Variants in BAZ1A observed in about 807,000 individuals in gnomAD.
BAZ1A encodes bromodomain adjacent to zinc finger domain 1A.
BAZ1A carries 50 observed loss-of-function variants against 185.2 expected under a neutral mutation model. The ratio of observed to expected loss-of-function variants is 0.27; its 90% CI spans 0.22 to 0.34. The LOEUF (loss-of-function observed/expected upper bound fraction) is 0.34. BAZ1A is among the 10% of genes least tolerant of loss of function. The probability of loss-of-function intolerance (pLI) is 1.00; values close to 1 mark genes in which losing one functional copy is unlikely to be tolerated. For synonymous variants in BAZ1A, 571 were observed against 615.6 expected (o/e 0.93, Z 1.07); for missense variants, 1,356 against 1,839.9 (o/e 0.74, Z 4.81).
intron 3 of BAZ1A, among the ~76,000 whole-genome samples, chr14:34,846,898 A>T (rs1021313655): frequency 6.6e-6 from 1 of 152,224 alleles, no homozygotes; most frequent in Non-Finnish European, 1.5e-5. Flanking sequence ...TTAAAAAAAA[A>T]TTAAAAATAA....
At chr14:34,798,779 G>A (rs1040794180) in intron 9 of BAZ1A, among the ~76,000 whole-genome samples, 4 of 152,190 alleles carry the variant, frequency 2.6e-5, no homozygotes, top group Admixed American at 2.0e-4. Context: ...CTTTTACACC[G>A]TTGGCTGGAG....
At chr14:34,804,602 A>G (rs188388669) in intron 6 of BAZ1A, among the ~76,000 whole-genome samples, 3 of 152,362 alleles carry the variant, frequency 2.0e-5, no homozygotes, top group Admixed American at 2.0e-4. Context: ...CCCATTAAAG[A>G]AGATTTCATT....
intron 3 of BAZ1A, among the ~76,000 whole-genome samples, chr14:34,840,392 T>C (rs923524597): frequency 6.6e-6 from 1 of 152,172 alleles, no homozygotes; most frequent in Admixed American, 6.5e-5. Flanking sequence ...GTGATTTATG[T>C]ACATCAAAAT....
In BAZ1A at chr14:34,753,190, A is replaced by G. The variant is rs961466937; in HGVS notation, c.*318T>C. ...CCACCACTTTAAAAAAAAATCATCA[A>G]TAACAAAATAAATCGTGGGTGAAAA... On this transcript the variant is annotated 3_prime_UTR_variant, in exon 27 of 27. Coordinates refer to ENST00000360310, the MANE Select transcript of BAZ1A (RefSeq NM_013448.3). 3 of 245,424 alleles carry G rather than the reference A, an allele frequency of 1.2e-5. No homozygotes were observed. The highest frequency in any genetic ancestry group is 2.4e-5 in the Non-Finnish European group (3 of 126,556). 15.2% of individuals were successfully genotyped at this position (245,424 alleles called of 1,614,324 possible).
chr14:34,874,108 G>A lies in BAZ1A; in HGVS notation c.113+384C>T, dbSNP rs1193368609. ...CGCTGACCCTAGCGGGGATCCCCTC[G>A]GCCGCCGGGAGGGGATCCCGGAACT... On this transcript the variant is annotated intron_variant, in intron 2 of 26. Coordinates refer to ENST00000360310, the MANE Select transcript of BAZ1A (RefSeq NM_013448.3). The surrounding 1 kb of genome is among the most constrained non-coding windows in gnomAD (Gnocchi z 4.7). Among the ~76,000 whole-genome samples the A allele has an allele frequency of 6.6e-6, 1 of 151,940 alleles. No individual in the cohort carries two copies. The highest frequency in any genetic ancestry group is 2.0e-4 in the East Asian group (1 of 5,126).
intron 3 of BAZ1A, among the ~76,000 whole-genome samples, chr14:34,858,343 C>T (rs908346232): frequency 3.9e-5 from 6 of 152,034 alleles, no homozygotes; most frequent in African/African-American, 1.2e-4. Context: ...CTGCAACTTC[C>T]ACCTCCTGGG....
chr14:34,787,363 A>AAAAAAAAAAAAAAG (rs775338809), intron 12 of BAZ1A, among the ~76,000 whole-genome samples: 3 of 112,792 alleles, frequency 2.7e-5, no homozygotes, highest in Non-Finnish European at 3.5e-5. Flanking sequence ...AAAAAAAAAA[A>AAAAAAAAAAAAAAG]AAAAAGAAAA....
chr14:34,753,508 T>G lies in BAZ1A; in HGVS notation c.4671A>C (p.Ter1557CysextTer9). The G allele has an allele frequency of 6.2e-7, 1 of 1,614,068 alleles. No individual in the cohort carries two copies. The change falls in exon 27 of 27, where the codon TGA becomes TGC. Residue 1557 changes from the stop codon to cysteine (C), a stop_lost. Coordinates refer to ENST00000360310, the MANE Select transcript of BAZ1A (RefSeq NM_013448.3). Reference sequence around the variant, plus strand: ...AAATATATCCTTTAGAAGGACAAAGTCAGATTCGTGACTTTTTCGCAGCCG... The same window carrying G: ...AAATATATCCTTTAGAAGGACAAAGGCAGATTCGTGACTTTTTCGCAGCCG... ...TPPAAKKSRI[*>C]
chr14:34,826,183 T>G (rs759396697), intron 3 of BAZ1A, 27 bp from the exon 4 acceptor site: 75 of 1,601,112 alleles, frequency 4.7e-5, no homozygotes, highest in Non-Finnish European at 5.9e-5. Context: ...CATTTAAAAA[T>G]GCAAATCATT....
chr14:34,820,412 G>A (rs1262720435), intron 4 of BAZ1A, among the ~76,000 whole-genome samples: 2 of 152,136 alleles, frequency 1.3e-5, no homozygotes, highest in South Asian at 4.1e-4. Flanking sequence ...GATTACAGGC[G>A]TGAGCCATGG....
At chr14:34,807,566 G>C (rs755754338) in intron 5 of BAZ1A, 28 bp from the exon 6 acceptor site, 9 of 1,546,674 alleles carry the variant, frequency 5.8e-6, no homozygotes, top group Non-Finnish European at 1.8e-6. Flanking sequence ...GTCAAAGAGG[G>C]GTAGTGTTAG....
intron 3 of BAZ1A, among the ~76,000 whole-genome samples, chr14:34,842,032 C>T (rs2042423065): frequency 6.6e-6 from 1 of 152,058 alleles, no homozygotes; most frequent in Admixed American, 6.6e-5. Flanking sequence ...CTAAAATTAT[C>T]CTTTTGTGTT....
intron 3 of BAZ1A, among the ~76,000 whole-genome samples, chr14:34,841,310 G>A (rs1384049208): frequency 6.6e-6 from 1 of 152,132 alleles, no homozygotes; most frequent in African/African-American, 2.4e-5. Flanking sequence ...TTAATGTAGG[G>A]CTAAATTATT....
chr14:34,797,181 A>T (rs1006424728), intron 9 of BAZ1A, among the ~76,000 whole-genome samples: 28 of 152,214 alleles, frequency 1.8e-4, no homozygotes, highest in African/African-American at 6.8e-4. Context: ...CATGTTAGAT[A>T]AAAAAAGCAT....
intron 3 of BAZ1A, among the ~76,000 whole-genome samples, chr14:34,843,400 T>C (rs921352424): frequency 1.3e-5 from 2 of 152,186 alleles, no homozygotes; most frequent in Non-Finnish European, 2.9e-5. Flanking sequence ...GCTGGGATCT[T>C]TCTACCATCT....
At chr14:34,824,994 C>T (rs539271820) in intron 4 of BAZ1A, among the ~76,000 whole-genome samples, 1 of 152,288 alleles carries the variant, frequency 6.6e-6, no homozygotes, top group South Asian at 2.1e-4. Context: ...GTTGCAGACT[C>T]AGCTGAGATT....
chr14:34,784,024 T>C (rs1312566212), intron 14 of BAZ1A, 97 bp from the exon 15 acceptor site: 2 of 1,107,452 alleles, frequency 1.8e-6, no homozygotes, highest in Non-Finnish European at 2.5e-6. Flanking sequence ...AAATGCCTAA[T>C]AAAGAATATG....
intron 19 of BAZ1A, among the ~76,000 whole-genome samples, chr14:34,774,037 C>T (rs1481674656): frequency 1.3e-5 from 2 of 152,054 alleles, no homozygotes; most frequent in African/African-American, 4.8e-5. Flanking sequence ...CCATGAATTA[C>T]AGATTTTAAA....
intron 4 of BAZ1A, among the ~76,000 whole-genome samples, chr14:34,812,463 A>G (rs2041943761): frequency 6.6e-6 from 1 of 152,194 alleles, no homozygotes; most frequent in South Asian, 2.1e-4. Flanking sequence ...TAAGGTGATA[A>G]TGACTTAACT....
Sources: allele counts gnomAD v4.1 joint callset (sites outside exome capture counted in the v4.1 genomes callset), GRCh38; gene constraint gnomAD v4.1.1; non-coding constraint Gnocchi (gnomAD v3.1); transcripts MANE v1.5; gene names NCBI Gene and HGNC (gene_info 2026-07-23, HGNC 2026-07-21).